Variants in PCDH15 observed in about 807,000 individuals in gnomAD.
PCDH15 encodes protocadherin-15.
In PCDH15, 129 loss-of-function variants were observed where a neutral mutation model predicts 178.5. The ratio of observed to expected loss-of-function variants is 0.72; its 90% CI spans 0.63 to 0.84. The LOEUF (loss-of-function observed/expected upper bound fraction) is 0.84, where lower values mean the gene tolerates loss of function less well. Ranked by LOEUF, PCDH15 falls within the 40% of genes least tolerant of loss-of-function variation. The pLI is 0.00. For missense variants in PCDH15, 2,230 were observed against 2,099.9 expected, an observed-to-expected ratio of 1.06 and a Z score of -1.21; for synonymous variants, 800 against 732.0, an observed-to-expected ratio of 1.09 and a Z score of -1.50.
intron 2 of PCDH15, among the ~76,000 whole-genome samples, chr10:55,614,780 T>C (rs1205741057): frequency 2.0e-5 from 3 of 152,198 alleles, no homozygotes; most frequent in Non-Finnish European, 4.4e-5. Context: ...TATAGCTTTT[T>C]GTCTAATTTT....
intron 2 of PCDH15, among the ~76,000 whole-genome samples, chr10:55,520,774 G>A (rs1276554840): frequency 6.6e-6 from 1 of 151,596 alleles, no homozygotes; most frequent in Non-Finnish European, 1.5e-5. Flanking sequence ...ATATCTCTCT[G>A]ATTACTCTTC....
At chr10:54,469,613 T>C (rs2077756891) in intron 3 of PCDH15, among the ~76,000 whole-genome samples, 1 of 152,156 alleles carries the variant, frequency 6.6e-6, no homozygotes, top group Non-Finnish European at 1.5e-5. Flanking sequence ...ATTATGTCTT[T>C]CCCTAATTTT....
rs1388680003 is a variant in PCDH15, at chr10:54,757,397, C to T, written c.-29+43528G>A. Among the ~76,000 whole-genome samples the T allele has an allele frequency of 2.3e-5, 2 of 86,008 alleles. 1 individual carries two copies. Among genetic ancestry groups the T allele is most frequent in the East Asian group, 4.4e-4 (2 of 4,548 alleles). 56.4% of individuals were successfully genotyped at this position (86,008 alleles called of 152,430 possible). A position where few individuals can be genotyped will look rare whatever the true frequency, so the allele number is the denominator to read the frequency against. ...TCCCGGGTTCACGCCATTCTCCTGC[C>T]TCAGCCTCCCGAGTAGCTGGGACTA... On this transcript the variant is annotated intron_variant, in intron 1 of 37. Transcript: ENST00000644397.
At chr10:55,501,560 C>T (rs891526941) in intron 2 of PCDH15, among the ~76,000 whole-genome samples, 1 of 151,592 alleles carries the variant, frequency 6.6e-6, no homozygotes, top group Admixed American at 6.6e-5. Flanking sequence ...GATAATACCC[C>T]TTGATGGTTA....
At chr10:53,968,763 A>G (rs1299151957) in intron 21 of PCDH15, among the ~76,000 whole-genome samples, 1 of 152,270 alleles carries the variant, frequency 6.6e-6, no homozygotes, top group African/African-American at 2.4e-5. Flanking sequence ...ACCTCCAGCA[A>G]CTCCAACAGT....
chr10:54,724,549 G>T (rs1942169082), intron 1 of PCDH15, among the ~76,000 whole-genome samples: 1 of 151,318 alleles, frequency 6.6e-6, no homozygotes, highest in Admixed American at 6.6e-5. Context: ...ATTAAAAAAA[G>T]AAATTAATAT....
chr10:55,068,848 T>C (rs1337778286), intron 2 of PCDH15, among the ~76,000 whole-genome samples: 4 of 151,900 alleles, frequency 2.6e-5, no homozygotes, highest in South Asian at 2.1e-4. Context: ...TATGAGTAAG[T>C]TCTCTTTTTT....
chr10:54,199,366 A>G (rs1045236658), intron 10 of PCDH15, among the ~76,000 whole-genome samples: 3 of 152,028 alleles, frequency 2.0e-5, no homozygotes, highest in Admixed American at 6.6e-5. Flanking sequence ...TGTAAGTTAC[A>G]TACAGAACAT....
At chr10:54,076,957 G>A (rs1045302576) in intron 17 of PCDH15, among the ~76,000 whole-genome samples, 3 of 152,006 alleles carry the variant, frequency 2.0e-5, no homozygotes, top group Non-Finnish European at 4.4e-5. Flanking sequence ...AGTTTAAAAG[G>A]TTAATTTTAC....
At chr10:54,674,730 T>A (rs551641065) in intron 1 of PCDH15, among the ~76,000 whole-genome samples, 1 of 152,108 alleles carries the variant, frequency 6.6e-6, no homozygotes, top group Non-Finnish European at 1.5e-5. Context: ...TGGATTTTAA[T>A]GTAAAGCTGA....
chr10:54,231,932 C>A (rs2054118465), intron 9 of PCDH15, among the ~76,000 whole-genome samples: 1 of 152,126 alleles, frequency 6.6e-6, no homozygotes, highest in African/African-American at 2.4e-5. Context: ...GCGGAAGGGA[C>A]TTGCCTTGTC....
At chr10:54,265,121 G>T (rs1310135526) in intron 8 of PCDH15, among the ~76,000 whole-genome samples, 1 of 152,030 alleles carries the variant, frequency 6.6e-6, no homozygotes, top group African/African-American at 2.4e-5. Flanking sequence ...TACTCTAAAA[G>T]AAAAGACATT....
At chr10:55,103,111 C>CT (rs112141976) in intron 2 of PCDH15, among the ~76,000 whole-genome samples, 18,650 of 125,400 alleles carry the variant, frequency 0.15, 3,851 homozygotes, top group African/African-American at 0.47. Flanking sequence ...TCTGATTTTT[C>CT]TTTTTTTTTT....
intron 1 of PCDH15, among the ~76,000 whole-genome samples, chr10:54,759,074 C>A (rs568096726): frequency 1.3e-5 from 2 of 148,540 alleles, no homozygotes; most frequent in East Asian, 1.9e-4. Context: ...TGCCTTCCCT[C>A]CCCCTCCATC....
chr10:54,443,267 A>G (rs1018436555), intron 3 of PCDH15, among the ~76,000 whole-genome samples: 26 of 151,748 alleles, frequency 1.7e-4, no homozygotes, highest in Admixed American at 1.6e-3. Context: ...TACATGAAAT[A>G]CATAGATTGG....
chr10:54,996,614 T>C (rs1345333913), intron 2 of PCDH15, among the ~76,000 whole-genome samples: 1 of 152,170 alleles, frequency 6.6e-6, no homozygotes, highest in Non-Finnish European at 1.5e-5. Context: ...TCTCATCTGA[T>C]CTTTGAAGGT....
intron 15 of PCDH15, among the ~76,000 whole-genome samples, chr10:54,090,848 T>A (rs796460972): frequency 1.2e-4 from 18 of 152,308 alleles, no homozygotes; most frequent in African/African-American, 4.1e-4. Context: ...TTTCTGTGTA[T>A]CCATTTCTAA....
At chr10:54,822,330 C>G (rs1486871824) in intron 3 of PCDH15, among the ~76,000 whole-genome samples, 1 of 152,110 alleles carries the variant, frequency 6.6e-6, no homozygotes, top group Non-Finnish European at 1.5e-5. Flanking sequence ...CCACTCTACT[C>G]TCTGCCTCCA....
intron 37 of PCDH15, chr10:53,808,641 T>A (rs910177469): frequency 1.3e-6 from 2 of 1,568,686 alleles, no homozygotes; most frequent in Admixed American, 1.8e-5. Context: ...CAGAAGGCAC[T>A]GCACACGAGA....
Sources: allele counts gnomAD v4.1 joint callset (sites outside exome capture counted in the v4.1 genomes callset), GRCh38; gene constraint gnomAD v4.1.1; transcripts MANE v1.5; gene names NCBI Gene and HGNC (gene_info 2026-07-23, HGNC 2026-07-21).